ZNF654: variants seen among roughly 807,000 people sequenced by gnomAD.
ZNF654 encodes the protein melanoma-associated antigen.
In ZNF654, 19 loss-of-function variants were observed where a neutral mutation model predicts 95.3. The observed-to-expected ratio is 0.20, with a 90% CI of 0.14 to 0.29. The LOEUF (loss-of-function observed/expected upper bound fraction) is 0.29, where lower values mean the gene tolerates loss of function less well. Among genes scored for constraint, ZNF654 ranks in the 10% least tolerant of loss-of-function variants. ZNF654 has a pLI of 1.00. For missense variants in ZNF654, 1,046 were observed against 1,341.0 expected (o/e 0.78, Z 3.44); for synonymous variants, 413 against 457.9 (o/e 0.90, Z 1.25).
chr3:88,116,138 T>G (rs956738056), intron 3 of ZNF654, among the ~76,000 whole-genome samples: 2 of 152,100 alleles, frequency 1.3e-5, no homozygotes, highest in Non-Finnish European at 2.9e-5. Flanking sequence ...GTCAATCTCA[T>G]TCTTGTTGCT....
intron 2 of ZNF654, among the ~76,000 whole-genome samples, chr3:88,100,948 T>C (rs1209765740): frequency 1.3e-5 from 2 of 152,112 alleles, no homozygotes; most frequent in East Asian, 3.8e-4. Context: ...ACCCTAAAAC[T>C]TAAAGTATAA....
chr3:88,130,641 A>G (rs1266614030), intron 6 of ZNF654, among the ~76,000 whole-genome samples: 3 of 99,644 alleles, frequency 3.0e-5, no homozygotes, highest in Non-Finnish European at 6.2e-5. Flanking sequence ...TTTTTGGTAG[A>G]GATGGGGATT....
At chr3:88,102,817 CTTTTTTTTTTTT>C (rs10701359) in intron 2 of ZNF654, among the ~76,000 whole-genome samples, 7 of 106,532 alleles carry the variant, frequency 6.6e-5, no homozygotes, top group African/African-American at 2.1e-4. Flanking sequence ...CCTCTACTGT[CTTTTTTTTTTTT>C]TTTTTTTTTA....
chr3:88,116,944 A>G (rs1705449195), intron 3 of ZNF654, among the ~76,000 whole-genome samples: 2 of 152,192 alleles, frequency 1.3e-5, no homozygotes, highest in Admixed American at 1.3e-4. Flanking sequence ...AAGAGGATAA[A>G]TACCTCAGTT....
chr3:88,095,646 T>C (rs1704014631), intron 2 of ZNF654: 2 of 498,996 alleles, frequency 4.0e-6, no homozygotes, highest in Admixed American at 4.3e-5. Context: ...CCAAGCAATA[T>C]CATCACTCTG....
At chr3:88,060,084 TC>T (rs1280396583) in intron 1 of ZNF654, among the ~76,000 whole-genome samples, 3 of 152,116 alleles carry the variant, frequency 2.0e-5, no homozygotes, top group Non-Finnish European at 4.4e-5. Flanking sequence ...GTTACTTTTT[TC>T]GGACAGAGAG....
rs745892279 is a variant in ZNF654 at position 88,139,979 on chromosome 3, A to G, written c.2310A>G (p.Val770=). 26 of 1,613,696 alleles carry G rather than the reference A, an allele frequency of 1.6e-5. No individual in the cohort carries two copies. The highest frequency in any genetic ancestry group is 2.0e-5 in the Non-Finnish European group (24 of 1,179,800). ...TTCTAAATAAACATGCAATGACCGT[A>G]CATCCAACCGATTTAAATGTGCGAC... The part of the protein sequence containing the change: ...IGFLNKHAMT[V]HPTDLNVRQT... The change falls in exon 8 of 9, where the codon GTA becomes GTG. Residue 770 remains valine (V), a synonymous_variant. Transcript: ENST00000636215.
At position 88,142,947 on chromosome 3, in the gene ZNF654, G is replaced by A. The variant is rs536143638; in HGVS notation, c.*1295G>A. On this transcript the variant is annotated 3_prime_UTR_variant, in exon 9 of 9. Coordinates refer to ENST00000636215, the MANE Select transcript of ZNF654 (RefSeq NM_001350134.2). ...AGATGTTTTCCATTTGTCCATTATT[G>A]AAAGGAAGATGCTTAAAGACTTCCT... 6.6e-6 allele frequency: 1 copy of A among 152,198 alleles called. No homozygotes were observed. The highest frequency in any genetic ancestry group is 1.9e-4 in the East Asian group (1 of 5,178). 9.4% of individuals were successfully genotyped at this position (152,198 alleles called of 1,614,324 possible).
At chr3:88,060,400 C>G (rs564842125) in intron 1 of ZNF654, among the ~76,000 whole-genome samples, 2 of 152,186 alleles carry the variant, frequency 1.3e-5, no homozygotes, top group African/African-American at 4.8e-5. Flanking sequence ...TTTGTGTACT[C>G]TGCATTCTCA....
chr3:88,135,115 A>G lies in ZNF654; in HGVS notation c.948A>G (p.Gln316=). ...AGCTTAAATCTAATCCTTCAAAACAAGTTTTTGTAGATCAATGCTACCAGC... is the reference window on the plus strand; with the variant it reads ...AGCTTAAATCTAATCCTTCAAAACAGGTTTTTGTAGATCAATGCTACCAGC... ...KLQLKSNPSK[Q]VFVDQCYQLL... is the part of the protein sequence containing the mutation. The change falls in exon 7 of 9, where the codon CAA becomes CAG. Residue 316 remains glutamine (Q), a synonymous_variant. Transcript: ENST00000636215. The G allele has an allele frequency of 6.7e-7, 1 of 1,483,198 alleles. No individual in the cohort carries two copies. The highest frequency in any genetic ancestry group is 1.4e-5 in the South Asian group (1 of 73,586). 91.9% of individuals were successfully genotyped at this position (1,483,198 alleles called of 1,614,324 possible).
intron 3 of ZNF654, among the ~76,000 whole-genome samples, chr3:88,115,881 T>C (rs1478733286): frequency 6.6e-6 from 1 of 152,138 alleles, no homozygotes; most frequent in Non-Finnish European, 1.5e-5. Context: ...AAAATAATAA[T>C]GATAAATGCT....
At chr3:88,116,298 A>G (rs1215629153) in intron 3 of ZNF654, among the ~76,000 whole-genome samples, 1 of 152,130 alleles carries the variant, frequency 6.6e-6, no homozygotes, top group Non-Finnish European at 1.5e-5. Flanking sequence ...AGGCGGGCAG[A>G]TCACCTGAGG....
chr3:88,121,772 A>G (rs148203679), intron 3 of ZNF654, among the ~76,000 whole-genome samples: 34 of 152,314 alleles, frequency 2.2e-4, no homozygotes, highest in Non-Finnish European at 4.6e-4. Context: ...AATATTAACC[A>G]TATTGAAGAC....
intron 1 of ZNF654, among the ~76,000 whole-genome samples, chr3:88,081,437 T>A (rs1256938274): frequency 6.6e-5 from 10 of 152,160 alleles, no homozygotes; most frequent in Non-Finnish European, 8.8e-5. Context: ...GATGCATGGA[T>A]GTTGTCTGCA....
intron 3 of ZNF654, 130 bp from the exon 4 acceptor site, chr3:88,126,004 T>C (rs528649439): frequency 2.0e-6 from 2 of 1,012,636 alleles, no homozygotes; most frequent in Middle Eastern, 2.2e-4. Context: ...TAGGTTACAA[T>C]AGTAACCCTT....
chr3:88,125,002 T>C (rs1362853432), intron 3 of ZNF654, among the ~76,000 whole-genome samples: 1 of 151,826 alleles, frequency 6.6e-6, no homozygotes, highest in Non-Finnish European at 1.5e-5. Context: ...GATCATGAGG[T>C]CAAGAGATTG....
chr3:88,135,938 T>A (rs1459765975), intron 7 of ZNF654, among the ~76,000 whole-genome samples: 1 of 152,160 alleles, frequency 6.6e-6, no homozygotes, highest in Non-Finnish European at 1.5e-5. Flanking sequence ...TTAATTTTTT[T>A]ATGTATTTAT....
chr3:88,141,185 T>G, intron 8 of ZNF654, 137 bp downstream of exon 8: 2 of 988,368 alleles, frequency 2.0e-6, no homozygotes, highest in South Asian at 3.6e-5. Flanking sequence ...ATACATTATT[T>G]CCTTTAATAC....
In ZNF654 at chr3:88,069,657, G is replaced by A. The variant is rs187130591; in HGVS notation, c.186+10152G>A. On this transcript the variant is annotated intron_variant, in intron 1 of 8. Transcript: ENST00000636215. ...GACTTTTCTGCTACTTAGATGGAGA[G>A]TCTTTCAGTTATTTTTGTATTCACC... Among the ~76,000 whole-genome samples the A allele has an allele frequency of 3.9e-5, 6 of 152,262 alleles. No individual in the cohort carries two copies. In the East Asian group the frequency reaches 9.7e-4, roughly 25 times the overall value.
Sources: gnomAD v4.1 joint callset for allele counts (sites outside exome capture counted in the v4.1 genomes callset) on GRCh38, gnomAD v4.1.1 for gene constraint, MANE v1.5 for transcripts, NCBI Gene and HGNC (gene_info 2026-07-23, HGNC 2026-07-21) for gene names.